Variants in CDK14 observed in about 807,000 individuals in gnomAD.
CDK14 encodes cyclin-dependent kinase 14.
Under a neutral mutation model 60.7 loss-of-function variants are expected in CDK14, and 34 were observed. That is an observed-to-expected ratio of 0.56 (90% CI 0.43 to 0.75). CDK14 has a LOEUF of 0.75. CDK14 is among the 30% of genes least tolerant of loss of function. The pLI, the probability that CDK14 is intolerant of heterozygous loss-of-function variation, is 0.00. For missense variants in CDK14, 482 were observed against 564.1 expected (o/e 0.85, Z 1.47); for synonymous variants, 197 against 203.7 (o/e 0.97, Z 0.28).
intron 14 of CDK14, among the ~76,000 whole-genome samples, chr7:91,180,215 TATC>T (rs1471575433): frequency 1.3e-5 from 2 of 152,224 alleles, no homozygotes; most frequent in African/African-American, 4.8e-5. Flanking sequence ...CATTAATGCT[TATC>T]ATGAAAGATG....
At chr7:90,931,700 C>G (rs1461182634) in intron 8 of CDK14, among the ~76,000 whole-genome samples, 2 of 152,126 alleles carry the variant, frequency 1.3e-5, no homozygotes, top group East Asian at 3.9e-4. Context: ...CATAAAAATA[C>G]CATGCTTGGT....
intron 2 of CDK14, among the ~76,000 whole-genome samples, chr7:90,707,388 C>CT (rs984085191): frequency 6.6e-6 from 1 of 152,048 alleles, no homozygotes; most frequent in Non-Finnish European, 1.5e-5. Context: ...ATTTTCATGG[C>CT]TTTAGTTCAG....
At chr7:90,892,679 G>A (rs1220403399) in intron 6 of CDK14, among the ~76,000 whole-genome samples, 3 of 152,276 alleles carry the variant, frequency 2.0e-5, no homozygotes, top group South Asian at 2.1e-4. Context: ...TACCCTCCTC[G>A]GATTCCTTCC....
At chr7:90,966,474 C>T (rs1382048615) in intron 9 of CDK14, among the ~76,000 whole-genome samples, 1 of 152,162 alleles carries the variant, frequency 6.6e-6, no homozygotes, top group Non-Finnish European at 1.5e-5. Context: ...TTTGTTCCTC[C>T]TCATATGCTG....
At chr7:90,665,943 G>A (rs763627945) in intron 2 of CDK14, among the ~76,000 whole-genome samples, 2 of 152,146 alleles carry the variant, frequency 1.3e-5, no homozygotes, top group Non-Finnish European at 2.9e-5. Context: ...GACACCAAAA[G>A]GAACTATAGG....
At chr7:91,169,504 C>T (rs1370621386) in intron 14 of CDK14, among the ~76,000 whole-genome samples, 1 of 151,758 alleles carries the variant, frequency 6.6e-6, no homozygotes, top group Admixed American at 6.6e-5. Flanking sequence ...GGACATTTTA[C>T]AGCTGAAGAT....
chr7:91,120,625 C>T (rs755971238), intron 14 of CDK14, among the ~76,000 whole-genome samples: 14 of 152,040 alleles, frequency 9.2e-5, no homozygotes, highest in African/African-American at 1.2e-4. Context: ...CCTCTGCCCC[C>T]GCCTGGGTTC....
intron 2 of CDK14, chr7:90,709,626 T>C (rs1372857951): frequency 1.2e-6 from 2 of 1,603,036 alleles, no homozygotes; most frequent in Non-Finnish European, 1.7e-6. Flanking sequence ...TCCATCGTGT[T>C]TGGAAAAAAA....
chr7:91,147,162 T>TCTCTCTCTCTCTCTCTCA (rs1438870514), intron 14 of CDK14, among the ~76,000 whole-genome samples: 3 of 124,698 alleles, frequency 2.4e-5, no homozygotes, highest in African/African-American at 6.6e-5. Context: ...TCTCTCTCTC[T>TCTCTCTCTCTCTCTCTCA]CACACACACA....
chr7:91,167,257 G>A (rs545828445), intron 14 of CDK14, among the ~76,000 whole-genome samples: 1 of 152,148 alleles, frequency 6.6e-6, no homozygotes, highest in African/African-American at 2.4e-5. Context: ...TCATGGACTT[G>A]TTTCCAACCA....
intron 12 of CDK14, among the ~76,000 whole-genome samples, chr7:91,106,824 T>C (rs1000546276): frequency 2.0e-5 from 3 of 152,218 alleles, no homozygotes; most frequent in African/African-American, 7.2e-5. Context: ...GAGAGGTCAC[T>C]GCTAGCTGCA....
rs965638907 is a variant in CDK14 at position 91,179,213 on chromosome 7, A to G, written c.*29-27952A>G. ...GTTCATGTCCTTTGTAGGGACATGG[A>G]TGAAACTGGAAATTATCATTCTCAG... On this transcript the variant is annotated intron_variant, in intron 14 of 14. Transcript: ENST00000380050. Among the ~76,000 whole-genome samples the G allele has an allele frequency of 3.3e-5, 5 of 151,936 alleles. No homozygotes were observed. In the South Asian group the frequency reaches 1.0e-3, roughly 32 times the overall value.
chr7:91,128,077 T>C (rs892935131), intron 14 of CDK14, among the ~76,000 whole-genome samples: 2 of 152,202 alleles, frequency 1.3e-5, no homozygotes, highest in Admixed American at 6.5e-5. Flanking sequence ...TGCAAGTCTT[T>C]CTGGCTGAAC....
At chr7:91,169,859 A>G (rs1324694292) in intron 14 of CDK14, among the ~76,000 whole-genome samples, 1 of 152,250 alleles carries the variant, frequency 6.6e-6, no homozygotes, top group South Asian at 2.1e-4. Flanking sequence ...AGTTGGTTAA[A>G]AAAACAAAAA....
intron 2 of CDK14, among the ~76,000 whole-genome samples, chr7:90,637,033 T>G (rs554862164): frequency 6.6e-6 from 1 of 152,112 alleles, no homozygotes; most frequent in South Asian, 2.1e-4. Flanking sequence ...CTTTTTTTCT[T>G]TATTAGCCTT....
intron 14 of CDK14, among the ~76,000 whole-genome samples, chr7:91,171,661 T>G (rs1399214862): frequency 6.6e-6 from 1 of 152,200 alleles, no homozygotes; most frequent in Non-Finnish European, 1.5e-5. Context: ...TTTTTTGTTT[T>G]TTTGAGATGG....
chr7:90,949,077 G>A (rs750556739), intron 8 of CDK14, among the ~76,000 whole-genome samples: 2 of 152,092 alleles, frequency 1.3e-5, no homozygotes, highest in East Asian at 3.8e-4. Context: ...TTCCTATACT[G>A]TATATGAAAG....
intron 5 of CDK14, among the ~76,000 whole-genome samples, chr7:90,801,101 A>G (rs1788614686): frequency 6.6e-6 from 1 of 152,234 alleles, no homozygotes; most frequent in Admixed American, 6.5e-5. Flanking sequence ...CTGGGCTGAC[A>G]TAAATTTCTG....
At chr7:90,659,875 C>CTCTGTG (rs1235758434) in intron 2 of CDK14, among the ~76,000 whole-genome samples, 9 of 128,974 alleles carry the variant, frequency 7.0e-5, no homozygotes, top group Non-Finnish European at 1.3e-4. Context: ...CTCTCTCTCT[C>CTCTGTG]TGTGTGTGTG....
Sources: allele counts gnomAD v4.1 joint callset (sites outside exome capture counted in the v4.1 genomes callset), GRCh38; gene constraint gnomAD v4.1.1; transcripts MANE v1.5; gene names NCBI Gene and HGNC (gene_info 2026-07-23, HGNC 2026-07-21).